The following CR1 variants were observed in gnomAD, a reference collection of about 807,000 sequenced individuals.
CR1 encodes complement C3b/C4b receptor 1 (Knops blood group).
A neutral mutation model predicts 187.3 loss-of-function variants in CR1; 116 were observed. The ratio of observed to expected loss-of-function variants is 0.62; its 90% CI spans 0.53 to 0.72. The LOEUF (loss-of-function observed/expected upper bound fraction) is 0.72, where lower values mean the gene tolerates loss of function less well. Among genes scored for constraint, CR1 ranks in the 30% least tolerant of loss-of-function variants. CR1 has a pLI of 0.00. For synonymous variants in CR1, 576 were observed against 747.1 expected, an observed-to-expected ratio of 0.77 and a Z score of 3.73; for missense variants, 1,731 against 2,110.7, an observed-to-expected ratio of 0.82 and a Z score of 3.52.
chr1:207,577,165 C>T lies in CR1; in HGVS notation c.4538-640C>T, dbSNP rs1171292269. ...ACTCAGGAGGCTGAGGCAGGAAAAT[C>T]GCTTGAACCTGGGAGGCGGGGGTTG... is the stretch of plus-strand genomic sequence containing the variant. On this transcript the variant is annotated intron_variant, in intron 28 of 46. Coordinates refer to ENST00000367049, the MANE Select transcript of CR1 (RefSeq NM_000651.6). Among the ~76,000 whole-genome samples the T allele has an allele frequency of 3.3e-5, 5 of 151,462 alleles. No homozygotes were observed. In the East Asian group the frequency reaches 9.9e-4, roughly 30 times the overall value.
chr1:207,607,447 G>T, intron 36 of CR1, 111 bp downstream of exon 36: 1 of 753,622 alleles, frequency 1.3e-6, no homozygotes, highest in Non-Finnish European at 2.3e-6. Flanking sequence ...TCAGATATTT[G>T]AAAATAGGAG....
Position 207,523,908 on chromosome 1 carries a change from T to C in CR1, c.785T>C (p.Val262Ala). ...NRSLFSLNEVVEFRCQPGFVM... is the reference protein window; with the variant it reads ...NRSLFSLNEVAEFRCQPGFVM... ...AGCTTATTTTCCTTAAATGAAGTTG[T>C]GGAGTTTAGGTGTCAGCCTGGCTTT... Residue 262 changes from valine (V) to alanine (A), a missense_variant, in exon 5 of 47, where the codon GTG (valine) becomes GCG (alanine). Val to Ala is a moderately conservative substitution (Grantham distance 64). Around this residue, in one of 5 missense-constraint regions of CR1, gnomAD observed 131 missense variants for 196.8 expected, o/e 0.67. Coordinates refer to ENST00000367049, the MANE Select transcript of CR1 (RefSeq NM_000651.6). 1 of 1,610,426 alleles carries C rather than the reference T, an allele frequency of 6.2e-7. No individual in the cohort carries two copies. Among genetic ancestry groups the C allele is most frequent in the Non-Finnish European group, 8.5e-7 (1 of 1,178,708 alleles).
intron 35 of CR1, among the ~76,000 whole-genome samples, chr1:207,598,018 C>T (rs1661497480): frequency 6.6e-6 from 1 of 152,114 alleles, no homozygotes; most frequent in Non-Finnish European, 1.5e-5. Context: ...TACTGTATTC[C>T]ACTTTTATGA....
chr1:207,592,207 C>T (rs764410907), intron 35 of CR1, among the ~76,000 whole-genome samples: 3 of 152,152 alleles, frequency 2.0e-5, no homozygotes, highest in Non-Finnish European at 4.4e-5. Context: ...AAAATACTGG[C>T]AAACAAAATT....
intron 33 of CR1, among the ~76,000 whole-genome samples, chr1:207,585,517 G>A (rs985335856): frequency 7.9e-5 from 12 of 152,126 alleles, no homozygotes; most frequent in South Asian, 2.1e-4. Flanking sequence ...CCTAAGGAGG[G>A]GAAGAAGTTG....
intron 45 of CR1, among the ~76,000 whole-genome samples, chr1:207,624,092 T>G (rs1338446322): frequency 6.6e-6 from 1 of 151,736 alleles, no homozygotes; most frequent in East Asian, 1.9e-4. Context: ...CACCAGGCTA[T>G]TTTTTGTATT....
chr1:207,567,406 T>G (rs1660535342), intron 24 of CR1, among the ~76,000 whole-genome samples: 1 of 150,238 alleles, frequency 6.7e-6, no homozygotes, highest in Admixed American at 6.6e-5. Context: ...CACACATATA[T>G]ACATTTGAGA....
At position 207,611,955 on chromosome 1, in the gene CR1, C is replaced by T. The variant is rs746208310; in HGVS notation, c.6489C>T (p.Asp2163=). 5.6e-6 allele frequency: 9 copies of T among 1,614,008 alleles called. No homozygotes were observed. The highest frequency in any genetic ancestry group is 7.6e-6 in the Non-Finnish European group (9 of 1,179,896). The change falls in exon 39 of 47, where the codon GAC becomes GAT. Residue 2163 remains aspartate, a synonymous_variant. Transcript: ENST00000367049. ...APRCTVKSCD[D]FLGQLPHGRV... Reference sequence around the variant, plus strand: ...TTCTTCTAGTGAAATCCTGTGATGACTTCCTGGGCCAACTCCCTCATGGCC... The same window carrying T: ...TTCTTCTAGTGAAATCCTGTGATGATTTCCTGGGCCAACTCCCTCATGGCC...
intron 46 of CR1, among the ~76,000 whole-genome samples, chr1:207,637,036 C>T (rs890301622): frequency 1.3e-5 from 2 of 152,142 alleles, no homozygotes; most frequent in Non-Finnish European, 1.5e-5. Flanking sequence ...AAATAGCTTA[C>T]GATCTCGTTT....
intron 45 of CR1, among the ~76,000 whole-genome samples, chr1:207,624,622 G>A (rs74153333): frequency 0.039 from 5,943 of 152,014 alleles, 384 homozygotes; most frequent in African/African-American, 0.13. Flanking sequence ...ATACTGAATT[G>A]GTAGATATTT....
At position 207,616,826 on chromosome 1, in the gene CR1, C is replaced by G. The variant is rs200559777; in HGVS notation, c.6889+24C>G. 791 of 1,610,672 alleles carry G rather than the reference C, an allele frequency of 4.9e-4. 6 individuals are homozygous for G. The highest frequency in any genetic ancestry group is 3.0e-3 in the South Asian group (272 of 90,826). ...TGGTTAGTACCTGCTTCCACATATC[C>G]TAAATGGGTTCAGAATATCTAGGTA... On this transcript the variant is annotated intron_variant, in intron 41 of 46. Transcript: ENST00000367049.
chr1:207,600,172 C>T (rs1187419818), intron 35 of CR1, among the ~76,000 whole-genome samples: 4 of 152,080 alleles, frequency 2.6e-5, no homozygotes, highest in Non-Finnish European at 5.9e-5. Flanking sequence ...CAAATTTGGC[C>T]TGTGAGCCAT....
At position 207,619,880 on chromosome 1, in the gene CR1, A is replaced by G; in HGVS notation, c.7067A>G (p.Glu2356Gly). 1.9e-6 allele frequency: 3 copies of G among 1,573,974 alleles called. No individual in the cohort carries two copies. The highest frequency in any genetic ancestry group is 2.6e-6 in the Non-Finnish European group (3 of 1,159,746). Residue 2356 changes from glutamate (E) to glycine (G), a missense_variant and splice_region_variant, in exon 43 of 47, where the codon GAA becomes GGA. Glu to Gly is a moderately conservative substitution (Grantham distance 98, BLOSUM62 -2). Around this residue, in one of 5 missense-constraint regions of CR1, gnomAD observed 1,312 missense variants for 1,379.6 expected, o/e 0.95. Coordinates refer to ENST00000367049, the MANE Select transcript of CR1 (RefSeq NM_000651.6). Reference protein sequence around the residue: ...IWSQLDHYCKEVNCSFPLFMN... With the variant: ...IWSQLDHYCKGVNCSFPLFMN... ...TTCTTTCTGATTTGTCTAATTTCAG[A>G]AGTAAATTGTAGCTTCCCACTGTTT...
intron 35 of CR1, among the ~76,000 whole-genome samples, chr1:207,593,098 A>AAAAAAAAAC (rs1340703898): frequency 1.1e-4 from 17 of 151,890 alleles, no homozygotes; most frequent in African/African-American, 4.1e-4. Context: ...AAAAAAAAAA[A>AAAAAAAAAC]AAAAACTACT....
intron 46 of CR1, among the ~76,000 whole-genome samples, chr1:207,634,699 A>G (rs1662758542): frequency 6.6e-6 from 1 of 152,176 alleles, no homozygotes; most frequent in Non-Finnish European, 1.5e-5. Flanking sequence ...GAGACGCTTC[A>G]GCACGGCTGG....
intron 45 of CR1, among the ~76,000 whole-genome samples, chr1:207,624,581 A>G (rs1662424083): frequency 6.6e-6 from 1 of 152,236 alleles, no homozygotes; most frequent in Non-Finnish European, 1.5e-5. Context: ...TGCTGTAAAG[A>G]ACCTAGACAG....
At chr1:207,572,726 T>A (rs554457323) in intron 27 of CR1, among the ~76,000 whole-genome samples, 1 of 149,122 alleles carries the variant, frequency 6.7e-6, no homozygotes, top group Non-Finnish European at 1.5e-5. Flanking sequence ...TTCTAGAGAC[T>A]GGAAATCCAA....
At chr1:207,610,560 G>A (rs960281191) in intron 37 of CR1, among the ~76,000 whole-genome samples, 2 of 152,074 alleles carry the variant, frequency 1.3e-5, no homozygotes, top group African/African-American at 4.8e-5. Context: ...TTGAGCTCCC[G>A]TCCTCAAGCA....
Position 207,620,070 on chromosome 1 carries a change from G to A in CR1, c.7252+5G>A. The A allele has an allele frequency of 6.2e-7, 1 of 1,603,400 alleles. No homozygotes were observed. Among genetic ancestry groups the A allele is most frequent in the Non-Finnish European group, 8.5e-7 (1 of 1,176,862 alleles). ...CTCTGGCCAAATGTACCTCTCGTAAGTGCAAGTGCAAGGAATGTGGGATCT... is the reference window on the plus strand; with the variant it reads ...CTCTGGCCAAATGTACCTCTCGTAAATGCAAGTGCAAGGAATGTGGGATCT... On this transcript the variant is annotated splice_donor_5th_base_variant and intron_variant, in intron 43 of 46. Coordinates refer to ENST00000367049, the MANE Select transcript of CR1 (RefSeq NM_000651.6).
Sources: allele counts gnomAD v4.1 joint callset (sites outside exome capture counted in the v4.1 genomes callset), GRCh38; gene constraint gnomAD v4.1.1; regional missense constraint gnomAD v4.1.1; transcripts MANE v1.5; gene names NCBI Gene and HGNC (gene_info 2026-07-23, HGNC 2026-07-21).